Variants in SLC26A8 observed in about 807,000 individuals in gnomAD.
SLC26A8 encodes the protein solute carrier family 26 member 8, also known as testis anion transporter 1.
In SLC26A8, 70 loss-of-function variants were observed where a neutral mutation model predicts 105.0. That is an observed-to-expected ratio of 0.67 (90% CI 0.55 to 0.81). The LOEUF (loss-of-function observed/expected upper bound fraction) is 0.81, where lower values mean the gene tolerates loss of function less well. Ranked by LOEUF, SLC26A8 falls within the 40% of genes least tolerant of loss-of-function variation. The probability of loss-of-function intolerance (pLI) is 0.00; values close to 1 mark genes in which losing one functional copy is unlikely to be tolerated. For synonymous variants in SLC26A8, 415 were observed against 438.3 expected, an observed-to-expected ratio of 0.95 and a Z score of 0.66; for missense variants, 998 against 1,181.8, an observed-to-expected ratio of 0.84 and a Z score of 2.28.
rs201799088 is a variant in SLC26A8 at position 35,982,210 on chromosome 6, G to C, written c.943-7C>G. Reference sequence around the variant, plus strand: ...TCACAGTGAAGCCAATAATCTGTAGGGGGTAAAAAAAGAAGGGATGGGGGC... The same window carrying C: ...TCACAGTGAAGCCAATAATCTGTAGCGGGTAAAAAAAGAAGGGATGGGGGC... On this transcript the variant is annotated splice_polypyrimidine_tract_variant and splice_region_variant and intron_variant, in intron 7 of 19. Transcript: ENST00000490799. 6.2e-7 allele frequency: 1 copy of C among 1,613,562 alleles called. No individual in the cohort carries two copies. The highest frequency in any genetic ancestry group is 8.5e-7 in the Non-Finnish European group (1 of 1,179,818).
chr6:35,963,554 C>A (rs1343761111), intron 11 of SLC26A8, among the ~76,000 whole-genome samples: 2 of 152,164 alleles, frequency 1.3e-5, no homozygotes, highest in African/African-American at 4.8e-5. Flanking sequence ...TCAGTAAATT[C>A]TTTTTCCCAA....
intron 7 of SLC26A8, among the ~76,000 whole-genome samples, chr6:35,984,766 C>A (rs1269800185): frequency 2.6e-5 from 4 of 152,156 alleles, no homozygotes; most frequent in Non-Finnish European, 5.9e-5. Flanking sequence ...AAACCAAAAA[C>A]AATATTCTAA....
rs148107449 is a variant in SLC26A8 at position 36,017,562 on chromosome 6, G to T, written c.188+1958C>A. Among the ~76,000 whole-genome samples the T allele has an allele frequency of 2.1e-4, 32 of 152,284 alleles. No individual in the cohort carries two copies. The East Asian group carries it at 5.4e-3, about 26-fold the overall frequency. On this transcript the variant is annotated intron_variant, in intron 2 of 19. Transcript: ENST00000490799. ...CAGGAGAATTGCTCGAACCTGGGAG[G>T]CAGGGGCTGCAGTGAGCAGAGATCA...
chr6:36,020,573 C>T (rs1435912808), intron 1 of SLC26A8, among the ~76,000 whole-genome samples: 4 of 152,018 alleles, frequency 2.6e-5, no homozygotes, highest in South Asian at 2.1e-4. Context: ...GAGCTGGGAT[C>T]GCACCACTGT....
At chr6:35,968,529 T>A (rs1173782386) in intron 11 of SLC26A8, among the ~76,000 whole-genome samples, 2 of 139,036 alleles carry the variant, frequency 1.4e-5, no homozygotes, top group Non-Finnish European at 3.0e-5. Flanking sequence ...GGCCCAATAC[T>A]ATTACATCTA....
Position 35,969,317 on chromosome 6 carries a change from TG to T in SLC26A8, c.1288-364del, listed in dbSNP as rs1772686149. The T allele has an allele frequency of 3.2e-5, 7 of 221,296 alleles. No individual in the cohort carries two copies. The South Asian group carries it at 4.2e-4, about 13-fold the overall frequency. 13.7% of individuals were successfully genotyped at this position (221,296 alleles called of 1,614,324 possible). A position where few individuals can be genotyped will look rare whatever the true frequency, so the allele number is the denominator to read the frequency against. On this transcript the variant is annotated intron_variant, in intron 10 of 19. Transcript: ENST00000490799. ...TTGCACAATTTAGAAAAGCCGTAGTTGGCCGGGTGCGGTGGCTCACACCTGT... is the reference window on the plus strand; with the variant it reads ...TTGCACAATTTAGAAAAGCCGTAGTTGCCGGGTGCGGTGGCTCACACCTGT...
At chr6:35,994,361 G>T (rs370502778) in intron 5 of SLC26A8, among the ~76,000 whole-genome samples, 1 of 151,958 alleles carries the variant, frequency 6.6e-6, no homozygotes, top group South Asian at 2.1e-4. Context: ...TGATCCGCCC[G>T]CCTCGGCCTC....
chr6:35,977,298 T>C lies in SLC26A8; in HGVS notation c.1079A>G (p.Gln360Arg). The change falls in exon 9 of 20, where the codon CAA (glutamine) becomes CGA (arginine). Residue 360 changes from glutamine to arginine, a missense_variant. Coordinates refer to ENST00000490799, the MANE Select transcript of SLC26A8 (RefSeq NM_052961.4). ...DFSLLPKIIL[Q>R]AFSLSLVSSF... ...GCTCACCAAAGATAAGGAGAAGGCT[T>C]GTAAAATTATCTTGGGAAGAAGGCT... 6.2e-7 allele frequency: 1 copy of C among 1,614,028 alleles called. No individual in the cohort carries two copies. The highest frequency in any genetic ancestry group is 8.5e-7 in the Non-Finnish European group (1 of 1,179,954).
chr6:36,018,925 C>T (rs851036), intron 2 of SLC26A8, among the ~76,000 whole-genome samples: 53 of 151,782 alleles, frequency 3.5e-4, no homozygotes, highest in Non-Finnish European at 5.4e-4. Context: ...CCATGGCTAT[C>T]TTATTTATTT....
intron 14 of SLC26A8, chr6:35,960,596 C>T (rs1251368824): frequency 4.7e-6 from 2 of 423,576 alleles, no homozygotes; most frequent in Non-Finnish European, 4.2e-6. Flanking sequence ...GTGGAGGTTG[C>T]AGTAAGCCAA....
chr6:35,972,574 A>C (rs769907576), intron 10 of SLC26A8, among the ~76,000 whole-genome samples: 6 of 152,220 alleles, frequency 3.9e-5, no homozygotes, highest in Non-Finnish European at 8.8e-5. Context: ...TCTCTGCTTG[A>C]GCCAGGGATT....
chr6:35,997,875 C>T lies in SLC26A8; in HGVS notation c.490G>A (p.Val164Met). 6.2e-7 allele frequency: 1 copy of T among 1,614,132 alleles called. No homozygotes were observed. Among genetic ancestry groups the T allele is most frequent in the South Asian group, 1.1e-5 (1 of 91,078 alleles). The change falls in exon 5 of 20, where the codon GTG becomes ATG. Residue 164 changes from valine to methionine, a missense_variant. Val to Met is a conservative substitution (Grantham distance 21). Transcript: ENST00000490799. ...AGTTGACCGTTGTTGAATGGGCTCACTTTCAGAACGTTGATCAGCAGAGCA... is the reference window on the plus strand; with the variant it reads ...AGTTGACCGTTGTTGAATGGGCTCATTTTCAGAACGTTGATCAGCAGAGCA... ...VSALLINVLKVSPFNNGQLVM... is the reference protein window; with the variant it reads ...VSALLINVLKMSPFNNGQLVM...
chr6:35,945,329 G>T (rs1412384019), intron 19 of SLC26A8, among the ~76,000 whole-genome samples: 1 of 152,040 alleles, frequency 6.6e-6, no homozygotes, highest in Non-Finnish European at 1.5e-5. Flanking sequence ...CGGATTTCAT[G>T]ACCAACCATT....
Position 35,951,884 on chromosome 6 carries a change from G to A in SLC26A8, c.2233-385C>T, listed in dbSNP as rs186199973. ...GGCCACTGCACCCAGCCAATTAGCCGAGTTTTAAAACCCCTTTGGCCCTTC... is the reference window on the plus strand; with the variant it reads ...GGCCACTGCACCCAGCCAATTAGCCAAGTTTTAAAACCCCTTTGGCCCTTC... On this transcript the variant is annotated intron_variant, in intron 17 of 19. Transcript: ENST00000490799. 1.9e-4 allele frequency among the ~76,000 whole-genome samples: 29 copies of A among 152,178 alleles called. No homozygotes were observed. The East Asian group carries it at 3.3e-3, about 17-fold the overall frequency.
intron 7 of SLC26A8, chr6:35,990,297 A>C (rs529830445): frequency 3.5e-6 from 1 of 287,530 alleles, no homozygotes; most frequent in East Asian, 1.2e-4. Context: ...TTTTGAGGCC[A>C]TTTCTTTCTG....
intron 12 of SLC26A8, among the ~76,000 whole-genome samples, chr6:35,962,225 C>CAA (rs35900014): frequency 3.4e-5 from 4 of 116,514 alleles, no homozygotes; most frequent in African/African-American, 8.5e-5. Context: ...GACTCCGTCT[C>CAA]AAAAAAAAAA....
At chr6:36,002,895 G>A (rs752217152) in intron 3 of SLC26A8, among the ~76,000 whole-genome samples, 1 of 151,854 alleles carries the variant, frequency 6.6e-6, no homozygotes, top group African/African-American at 2.4e-5. Context: ...GTAGAGACGG[G>A]GTTTCACCAT....
At chr6:35,976,665 C>G (rs950615837) in intron 9 of SLC26A8, among the ~76,000 whole-genome samples, 2 of 151,122 alleles carry the variant, frequency 1.3e-5, no homozygotes, top group African/African-American at 4.9e-5. Flanking sequence ...CTCTGCCTCC[C>G]GAGTAGCTGG....
chr6:35,977,123 A>G, intron 9 of SLC26A8, 81 bp downstream of exon 9: 1 of 1,481,906 alleles, frequency 6.7e-7, no homozygotes, highest in South Asian at 1.3e-5. Context: ...TCAGTTAAAA[A>G]AGACTCCTGC....
Sources: gnomAD v4.1 joint callset for allele counts (sites outside exome capture counted in the v4.1 genomes callset) on GRCh38, gnomAD v4.1.1 for gene constraint, MANE v1.5 for transcripts, NCBI Gene and HGNC (gene_info 2026-07-23, HGNC 2026-07-21) for gene names.